Variants in DLG2 observed in about 807,000 individuals in gnomAD.
DLG2 encodes disks large homolog 2.
A neutral mutation model predicts 132.5 loss-of-function variants in DLG2; 45 were observed. The observed-to-expected ratio is 0.34, with a 90% CI of 0.27 to 0.44. The LOEUF is 0.44. DLG2 is among the 20% of genes least tolerant of loss of function. The probability of loss-of-function intolerance (pLI) is 1.00; values close to 1 mark genes in which losing one functional copy is unlikely to be tolerated. For missense variants in DLG2, 1,045 were observed against 1,196.9 expected (o/e 0.87, Z 1.87); for synonymous variants, 424 against 419.6 (o/e 1.01, Z -0.13).
intron 8 of DLG2, among the ~76,000 whole-genome samples, chr11:84,165,323 T>C (rs2095636909): frequency 6.6e-6 from 1 of 152,216 alleles, no homozygotes; most frequent in Non-Finnish European, 1.5e-5. Flanking sequence ...AAGAATATTT[T>C]AGTGGCATAC....
chr11:83,835,901 G>GCA (rs949782775), intron 16 of DLG2, among the ~76,000 whole-genome samples: 5 of 151,726 alleles, frequency 3.3e-5, no homozygotes, highest in African/African-American at 9.7e-5. Flanking sequence ...ACATGAGATT[G>GCA]CACACACACA....
chr11:85,132,875 T>C (rs190097379), intron 5 of DLG2: 39 of 456,490 alleles, frequency 8.5e-5, no homozygotes, highest in African/African-American at 7.2e-4. Flanking sequence ...CTTTTGGAAA[T>C]TGCACACAGA....
At chr11:83,480,941 T>A (rs11233633) in intron 22 of DLG2, among the ~76,000 whole-genome samples, 1 of 151,866 alleles carries the variant, frequency 6.6e-6, no homozygotes, top group Non-Finnish European at 1.5e-5. Flanking sequence ...CTAAACACAT[T>A]CTCAGGATGA....
At chr11:84,934,345 T>G (rs1306926254) in intron 6 of DLG2, among the ~76,000 whole-genome samples, 1 of 151,746 alleles carries the variant, frequency 6.6e-6, no homozygotes, top group African/African-American at 2.4e-5. Context: ...TTTTTTAATG[T>G]TCTTTTTGCT....
chr11:83,896,927 CAT>C (rs2071886883), intron 15 of DLG2, among the ~76,000 whole-genome samples: 1 of 150,486 alleles, frequency 6.6e-6, no homozygotes, highest in Non-Finnish European at 1.5e-5. Flanking sequence ...TTTTAAAAAT[CAT>C]GTGTCATTAA....
chr11:83,919,896 T>C (rs993595123), intron 15 of DLG2, among the ~76,000 whole-genome samples: 17 of 152,200 alleles, frequency 1.1e-4, no homozygotes, highest in Admixed American at 8.5e-4. Context: ...TTGAAGGAGA[T>C]CTAAATAACA....
At chr11:85,527,643 G>A (rs2074881508) in intron 3 of DLG2, among the ~76,000 whole-genome samples, 1 of 152,056 alleles carries the variant, frequency 6.6e-6, no homozygotes, top group South Asian at 2.1e-4. Flanking sequence ...TGTAAATAGT[G>A]CTGCAATAAA....
At chr11:85,395,151 GC>G (rs2087190032) in intron 3 of DLG2, among the ~76,000 whole-genome samples, 1 of 152,136 alleles carries the variant, frequency 6.6e-6, no homozygotes, top group Non-Finnish European at 1.5e-5. Flanking sequence ...TGCATAAACA[GC>G]CCTTTCATGG....
At chr11:84,378,276 A>G (rs956514632) in intron 7 of DLG2, among the ~76,000 whole-genome samples, 1 of 152,104 alleles carries the variant, frequency 6.6e-6, no homozygotes, top group Non-Finnish European at 1.5e-5. Flanking sequence ...CTCTGGATGC[A>G]CTGCATACAC....
At chr11:85,045,165 T>C (rs1351785137) in intron 6 of DLG2, among the ~76,000 whole-genome samples, 1 of 152,010 alleles carries the variant, frequency 6.6e-6, no homozygotes, top group Non-Finnish European at 1.5e-5. Flanking sequence ...TCTTCCTCAC[T>C]GTTGAGAGCA....
chr11:84,870,151 G>A (rs1283321876), intron 6 of DLG2, among the ~76,000 whole-genome samples: 1 of 152,146 alleles, frequency 6.6e-6, no homozygotes, highest in Non-Finnish European at 1.5e-5. Flanking sequence ...ATGCCATCAA[G>A]GTGGACATAT....
intron 11 of DLG2, among the ~76,000 whole-genome samples, chr11:83,990,082 G>T (rs953270839): frequency 4.6e-5 from 7 of 152,040 alleles, no homozygotes; most frequent in African/African-American, 1.7e-4. Context: ...TTAAGAATAA[G>T]ACTAAACATT....
At chr11:85,321,813 G>T (rs1003861670) in intron 3 of DLG2, among the ~76,000 whole-genome samples, 1 of 151,994 alleles carries the variant, frequency 6.6e-6, no homozygotes, top group Non-Finnish European at 1.5e-5. Context: ...TCGCAGGACA[G>T]GTTTAGTGAC....
At chr11:85,125,599 A>AT (rs1566900511) in intron 5 of DLG2, among the ~76,000 whole-genome samples, 1 of 152,168 alleles carries the variant, frequency 6.6e-6, no homozygotes, top group Non-Finnish European at 1.5e-5. Flanking sequence ...ACTAAATAAT[A>AT]ACTTTGTTGT....
In DLG2 at chr11:84,397,484, T is replaced by C. The variant is rs995174569; in HGVS notation, c.519+137086A>G. Among the ~76,000 whole-genome samples the C allele has an allele frequency of 4.6e-5, 7 of 152,220 alleles. No homozygotes were observed. The East Asian group carries it at 1.3e-3, about 29-fold the overall frequency. ...TGCGTTCCGGCCAATGGAATGCCAG[T>C]AGAGATGACGCGGGCCATGTCCAGG... On this transcript the variant is annotated intron_variant, in intron 7 of 27. Coordinates refer to ENST00000376104, the MANE Select transcript of DLG2 (RefSeq NM_001142699.3).
chr11:84,821,053 A>G (rs2077615130), intron 6 of DLG2, among the ~76,000 whole-genome samples: 1 of 151,942 alleles, frequency 6.6e-6, no homozygotes, highest in African/African-American at 2.4e-5. Flanking sequence ...ATAAAATATA[A>G]GGAAATGCAG....
At chr11:85,617,065 G>T (rs1320767911) in intron 2 of DLG2, among the ~76,000 whole-genome samples, 1 of 152,176 alleles carries the variant, frequency 6.6e-6, no homozygotes, top group Admixed American at 6.5e-5. Context: ...TATTTTGTCT[G>T]TTACTCAGTT....
chr11:84,388,098 C>T (rs1013532275), intron 7 of DLG2, among the ~76,000 whole-genome samples: 2 of 152,186 alleles, frequency 1.3e-5, no homozygotes, highest in African/African-American at 4.8e-5. Flanking sequence ...TGCAACCATA[C>T]ACTGGGGACG....
chr11:84,918,996 C>A (rs530076956), intron 6 of DLG2, among the ~76,000 whole-genome samples: 4 of 152,076 alleles, frequency 2.6e-5, no homozygotes, highest in Non-Finnish European at 4.4e-5. Flanking sequence ...TTCCATGGAG[C>A]TAACATGTGA....
Sources: gnomAD v4.1 joint callset for allele counts (sites outside exome capture counted in the v4.1 genomes callset) on GRCh38, gnomAD v4.1.1 for gene constraint, MANE v1.5 for transcripts, NCBI Gene and HGNC (gene_info 2026-07-23, HGNC 2026-07-21) for gene names.